SUCLG2: variants seen among roughly 807,000 people sequenced by gnomAD.
SUCLG2 encodes the protein succinate-CoA ligase GDP-forming subunit beta.
In SUCLG2, 42 loss-of-function variants were observed where a neutral mutation model predicts 47.9. The ratio of observed to expected loss-of-function variants is 0.88; its 90% confidence interval spans 0.69 to 1.14. The LOEUF (loss-of-function observed/expected upper bound fraction) is 1.14, where lower values mean the gene tolerates loss of function less well. Among genes scored for constraint, SUCLG2 ranks in the 50% most tolerant of loss-of-function variants. The pLI is 0.00. For missense variants in SUCLG2, 571 were observed against 525.9 expected (o/e 1.09, Z -0.84); for synonymous variants, 195 against 197.3 (o/e 0.99, Z 0.10).
At chr3:67,634,546 C>T (rs375396327) in intron 1 of SUCLG2, among the ~76,000 whole-genome samples, 1 of 152,112 alleles carries the variant, frequency 6.6e-6, no homozygotes, top group Non-Finnish European at 1.5e-5. Context: ...TAATAATTTG[C>T]TCCTCAATAT....
chr3:67,531,402 A>C (rs1706400715), intron 2 of SUCLG2, among the ~76,000 whole-genome samples: 1 of 152,234 alleles, frequency 6.6e-6, no homozygotes, highest in South Asian at 2.1e-4. Flanking sequence ...TGAAAGCCAG[A>C]GAGAATACCT....
In SUCLG2 at chr3:67,528,141, T is replaced by C; in HGVS notation, c.408A>G (p.Lys136=). 6.2e-7 allele frequency: 1 copy of C among 1,613,748 alleles called. No homozygotes were observed. Among genetic ancestry groups the C allele is most frequent in the African/African-American group, 1.3e-5 (1 of 75,032 alleles). The change falls in exon 4 of 11, where the codon AAA becomes AAG. Residue 136 remains lysine (K), a synonymous_variant. Transcript: ENST00000307227. The part of the protein sequence containing the change: ...ATKQTPKEGV[K]VNKVMVAEAL... ...AAAGTATCCATATTACCTTGTTAAC[T>C]TTCACACCTTCTTTTGGAGTTTGTT...
At chr3:67,395,067 C>T (rs1377856059) in intron 10 of SUCLG2, among the ~76,000 whole-genome samples, 5 of 152,028 alleles carry the variant, frequency 3.3e-5, no homozygotes, top group Admixed American at 3.3e-4. Flanking sequence ...GCGGCAAAAT[C>T]ATGCCAAAAT....
At chr3:67,584,493 T>G (rs1204723647) in intron 2 of SUCLG2, among the ~76,000 whole-genome samples, 1 of 152,228 alleles carries the variant, frequency 6.6e-6, no homozygotes, top group Non-Finnish European at 1.5e-5. Flanking sequence ...CTAAACATCA[T>G]GGAACTAAAC....
At chr3:67,428,524 A>T (rs551073576) in intron 9 of SUCLG2, among the ~76,000 whole-genome samples, 2 of 152,284 alleles carry the variant, frequency 1.3e-5, no homozygotes, top group South Asian at 4.1e-4. Context: ...AAATTCTAAA[A>T]ATCAGAGCAT....
At chr3:67,566,427 A>C (rs1351055423) in intron 2 of SUCLG2, among the ~76,000 whole-genome samples, 1 of 152,246 alleles carries the variant, frequency 6.6e-6, no homozygotes, top group Non-Finnish European at 1.5e-5. Flanking sequence ...AACTGTATAA[A>C]GTATAATCAA....
At chr3:67,438,822 G>C (rs1254127748) in intron 9 of SUCLG2, among the ~76,000 whole-genome samples, 1 of 152,136 alleles carries the variant, frequency 6.6e-6, no homozygotes, top group Non-Finnish European at 1.5e-5. Flanking sequence ...AGAGGAGCTG[G>C]TACCATTCCT....
chr3:67,456,325 T>C (rs1704185333), intron 9 of SUCLG2, among the ~76,000 whole-genome samples: 1 of 152,206 alleles, frequency 6.6e-6, no homozygotes, highest in African/African-American at 2.4e-5. Flanking sequence ...CATAGGCAGG[T>C]CTTAGGGAAT....
At chr3:67,550,977 TTATACA>T (rs2107194507) in intron 2 of SUCLG2, among the ~76,000 whole-genome samples, 1 of 152,362 alleles carries the variant, frequency 6.6e-6, no homozygotes, top group African/African-American at 2.4e-5. Context: ...TGGCTTATAC[TTATACA>T]TATCAAGTAA....
intron 9 of SUCLG2, among the ~76,000 whole-genome samples, chr3:67,436,324 T>C (rs1703620064): frequency 6.6e-6 from 1 of 152,120 alleles, no homozygotes; most frequent in African/African-American, 2.4e-5. Flanking sequence ...CAGACACCCA[T>C]ATCACAGTGA....
In SUCLG2 at chr3:67,540,455, C is replaced by T. The variant is rs1256477187; in HGVS notation, c.227-11269G>A. ...GGAAGTTCTGACTGGGCAGAGCCCA[C>T]CGCAGCGTGGCAAAGTCACTGTAGC... On this transcript the variant is annotated intron_variant, in intron 2 of 10. Transcript: ENST00000307227. Among the ~76,000 whole-genome samples the T allele has an allele frequency of 4.4e-3, 665 of 152,222 alleles. 6 individuals carry two copies. In the East Asian group the frequency reaches 0.052, roughly 12 times the overall value.
Position 67,529,039 on chromosome 3 carries a change from C to T in SUCLG2, c.326+48G>A, listed in dbSNP as rs781440610. 2.2e-5 allele frequency: 34 copies of T among 1,525,008 alleles called. No individual in the cohort carries two copies. The Admixed American group carries it at 6.1e-4, about 27-fold the overall frequency. The allele number at this position is 1,525,008 out of a possible 1,614,324, so 94.5% of individuals were successfully genotyped here. ...GCCTTTCAATCTTGAGCAAGATCTTCCATAACTGCTTGGCCAAAAGACAAG... is the reference window on the plus strand; with the variant it reads ...GCCTTTCAATCTTGAGCAAGATCTTTCATAACTGCTTGGCCAAAAGACAAG... On this transcript the variant is annotated intron_variant, in intron 3 of 10. Transcript: ENST00000307227.
chr3:67,591,687 T>C (rs531593926), intron 2 of SUCLG2, among the ~76,000 whole-genome samples: 2 of 152,296 alleles, frequency 1.3e-5, no homozygotes, highest in South Asian at 4.2e-4. Flanking sequence ...TCCAATTAAA[T>C]CTTTTTTTCT....
intron 2 of SUCLG2, among the ~76,000 whole-genome samples, chr3:67,532,182 C>A (rs887281830): frequency 6.6e-6 from 1 of 152,182 alleles, no homozygotes; most frequent in African/African-American, 2.4e-5. Flanking sequence ...GTCACCCAGG[C>A]TGGAGTGCAG....
At chr3:67,491,003 G>T (rs1471560247) in intron 9 of SUCLG2, among the ~76,000 whole-genome samples, 1 of 152,024 alleles carries the variant, frequency 6.6e-6, no homozygotes, top group Non-Finnish European at 1.5e-5. Flanking sequence ...TTAAAAATAG[G>T]TAAAACAAAT....
intron 1 of SUCLG2, among the ~76,000 whole-genome samples, chr3:67,619,555 C>G (rs981302728): frequency 2.6e-5 from 4 of 152,092 alleles, no homozygotes; most frequent in African/African-American, 9.7e-5. Flanking sequence ...AGAGCTGTAC[C>G]GAATATGAGG....
chr3:67,552,499 C>T (rs1707044117), intron 2 of SUCLG2, among the ~76,000 whole-genome samples: 1 of 152,222 alleles, frequency 6.6e-6, no homozygotes, highest in African/African-American at 2.4e-5. Context: ...AAAGGCAATA[C>T]TGGCTGGTCT....
At chr3:67,593,061 T>C (rs941846075) in intron 2 of SUCLG2, among the ~76,000 whole-genome samples, 7 of 152,196 alleles carry the variant, frequency 4.6e-5, no homozygotes, top group African/African-American at 1.7e-4. Flanking sequence ...TTTGTGTACA[T>C]TACTATAGGT....
chr3:67,596,848 C>T (rs1334793124), intron 2 of SUCLG2, among the ~76,000 whole-genome samples: 2 of 152,106 alleles, frequency 1.3e-5, no homozygotes, highest in Non-Finnish European at 2.9e-5. Context: ...TAATACTGAG[C>T]AATACTGATG....
Sources: allele counts gnomAD v4.1 joint callset (sites outside exome capture counted in the v4.1 genomes callset), GRCh38; gene constraint gnomAD v4.1.1; transcripts MANE v1.5; gene names NCBI Gene and HGNC (gene_info 2026-07-23, HGNC 2026-07-21).